NALF1: variants seen among roughly 807,000 people sequenced by gnomAD.
NALF1 encodes the protein NALCN channel auxiliary factor 1, also known as family with sequence similarity 155 member A.
In NALF1, 3 loss-of-function variants were observed where a neutral mutation model predicts 48.4. The ratio of observed to expected loss-of-function variants is 0.06; its 90% CI spans 0.03 to 0.16. The LOEUF is 0.16. Ranked by LOEUF, NALF1 falls within the 10% of genes least tolerant of loss-of-function variation. NALF1 has a pLI of 1.00. For missense variants in NALF1, 526 were observed against 571.5 expected (o/e 0.92, Z 0.81); for synonymous variants, 262 against 245.7 (o/e 1.07, Z -0.62).
intron 2 of NALF1, among the ~76,000 whole-genome samples, chr13:107,187,032 C>G (rs376424670): frequency 2.6e-5 from 4 of 152,308 alleles, no homozygotes; most frequent in Admixed American, 1.3e-4. Flanking sequence ...CTTCCTCCAT[C>G]TTAAAATCCA....
chr13:107,310,971 T>C (rs1882033267), intron 1 of NALF1, among the ~76,000 whole-genome samples: 1 of 152,164 alleles, frequency 6.6e-6, no homozygotes, highest in Non-Finnish European at 1.5e-5. Context: ...ATCTGGATTA[T>C]TTAAGGCCAT....
At chr13:107,518,891 T>TAA (rs1413348119) in intron 1 of NALF1, among the ~76,000 whole-genome samples, 1 of 151,858 alleles carries the variant, frequency 6.6e-6, no homozygotes, top group African/African-American at 2.4e-5. Flanking sequence ...ACAGGAGAAA[T>TAA]GAAAGTGGGA....
chr13:107,595,598 G>T (rs1259316913), intron 1 of NALF1, among the ~76,000 whole-genome samples: 1 of 152,060 alleles, frequency 6.6e-6, no homozygotes, highest in Non-Finnish European at 1.5e-5. Context: ...GCAAGAATGG[G>T]CTTATTTCTA....
In NALF1 at chr13:107,739,793, T is replaced by C. The variant is rs142951009; in HGVS notation, c.915+125889A>G. Among the ~76,000 whole-genome samples the C allele has an allele frequency of 2.9e-3, 446 of 152,294 alleles. 1 individual carries two copies. Among genetic ancestry groups the C allele is most frequent in the African/African-American group, 0.01 (420 of 41,556 alleles). On this transcript the variant is annotated intron_variant, in intron 1 of 2. Transcript: ENST00000375915. ...GCTTCCCAGTGCTCACATTACCGCC[T>C]GAGCTCTGCATCCTGTCGCATCGGT...
Position 107,866,048 on chromosome 13 carries a change from C to T in NALF1, c.549G>A (p.Thr183=), listed in dbSNP as rs561755025. 6 of 1,612,692 alleles carry T rather than the reference C, an allele frequency of 3.7e-6. No individual in the cohort carries two copies. In the South Asian group the frequency reaches 5.5e-5, roughly 15 times the overall value. ...CGCACACCGCGTCCGCATTCTCCAC[C>T]GTGAAGCACTGGCCCGAGGACGCGC... The part of the protein sequence containing the change: ...PQGASSGQCF[T]VENADAVCAR... The change falls in exon 1 of 3, where the codon ACG becomes ACA. Residue 183 remains threonine (T), a synonymous_variant. Transcript: ENST00000375915. This position sits in a 1 kb window ranked among gnomAD's most constrained non-coding sequence, Gnocchi z 4.4.
At chr13:107,754,866 T>C (rs944580000) in intron 1 of NALF1, among the ~76,000 whole-genome samples, 2 of 152,216 alleles carry the variant, frequency 1.3e-5, no homozygotes, top group African/African-American at 4.8e-5. Flanking sequence ...GAAGAAATTG[T>C]AAATCCTGTG....
intron 1 of NALF1, among the ~76,000 whole-genome samples, chr13:107,786,574 TA>T (rs1309671454): frequency 1.4e-5 from 2 of 140,390 alleles, no homozygotes; most frequent in Non-Finnish European, 3.1e-5. Flanking sequence ...CTACTAAAAA[TA>T]AAAAAAATTA....
chr13:107,447,495 C>T (rs1035496453), intron 1 of NALF1, among the ~76,000 whole-genome samples: 6 of 152,212 alleles, frequency 3.9e-5, no homozygotes, highest in Admixed American at 3.9e-4. Flanking sequence ...CTGCATAACA[C>T]ATAGGAATCC....
At chr13:107,372,037 G>T (rs371778823) in intron 1 of NALF1, among the ~76,000 whole-genome samples, 1 of 152,100 alleles carries the variant, frequency 6.6e-6, no homozygotes, top group Non-Finnish European at 1.5e-5. Flanking sequence ...AGCTGAATAG[G>T]GCACTGTTTT....
intron 1 of NALF1, among the ~76,000 whole-genome samples, chr13:107,791,747 T>TCCTGA (rs1159770818): frequency 2.0e-5 from 3 of 151,370 alleles, no homozygotes; most frequent in Non-Finnish European, 4.4e-5. Context: ...GGTCAGGAGT[T>TCCTGA]CCAGACCAGC....
At chr13:107,460,154 C>T (rs1371461441) in intron 1 of NALF1, among the ~76,000 whole-genome samples, 7 of 152,298 alleles carry the variant, frequency 4.6e-5, no homozygotes, top group African/African-American at 1.7e-4. Context: ...TTATATCTCA[C>T]TTCTTTCATC....
intron 1 of NALF1, among the ~76,000 whole-genome samples, chr13:107,654,735 T>C (rs980318185): frequency 2.6e-5 from 4 of 150,968 alleles, no homozygotes; most frequent in African/African-American, 9.7e-5. Flanking sequence ...AAAACATAGA[T>C]GTAAAAATCC....
chr13:107,258,118 C>T (rs1324936567), intron 1 of NALF1, among the ~76,000 whole-genome samples: 1 of 152,066 alleles, frequency 6.6e-6, no homozygotes, highest in Admixed American at 6.6e-5. Context: ...ACAATGTACC[C>T]TCTCATTTGG....
chr13:107,798,214 CA>C (rs1433922931), intron 1 of NALF1, among the ~76,000 whole-genome samples: 1 of 152,098 alleles, frequency 6.6e-6, no homozygotes, highest in Non-Finnish European at 1.5e-5. Flanking sequence ...TGATTGCAGC[CA>C]ATTTTAGTTT....
chr13:107,448,200 G>A (rs16970138), intron 1 of NALF1, among the ~76,000 whole-genome samples: 32,525 of 151,906 alleles, frequency 0.21, 3,981 homozygotes, highest in East Asian at 0.33. Flanking sequence ...TCATACCTTC[G>A]ATTCCTGGCT....
At chr13:107,847,183 A>AT (rs1880194742) in intron 1 of NALF1, among the ~76,000 whole-genome samples, 3 of 152,192 alleles carry the variant, frequency 2.0e-5, no homozygotes, top group African/African-American at 7.2e-5. Context: ...ATAAAATTTA[A>AT]TTTACCTATT....
intron 1 of NALF1, among the ~76,000 whole-genome samples, chr13:107,749,060 T>C (rs1876859874): frequency 1.3e-5 from 2 of 151,998 alleles, no homozygotes; most frequent in African/African-American, 4.8e-5. Context: ...TCCTGAAAGA[T>C]GTTCCTTGGG....
At chr13:107,811,563 A>T (rs1878992581) in intron 1 of NALF1, among the ~76,000 whole-genome samples, 1 of 152,204 alleles carries the variant, frequency 6.6e-6, no homozygotes, top group Non-Finnish European at 1.5e-5. Flanking sequence ...GGCCCCCTAA[A>T]GTATGTGTTT....
intron 1 of NALF1, among the ~76,000 whole-genome samples, chr13:107,263,988 G>A (rs975252207): frequency 1.3e-5 from 2 of 152,172 alleles, no homozygotes; most frequent in Admixed American, 6.5e-5. Context: ...CGGCCTTATG[G>A]AATTGTGGCC....
Sources: allele counts gnomAD v4.1 joint callset (sites outside exome capture counted in the v4.1 genomes callset), GRCh38; gene constraint gnomAD v4.1.1; non-coding constraint Gnocchi (gnomAD v3.1); transcripts MANE v1.5; gene names NCBI Gene and HGNC (gene_info 2026-07-23, HGNC 2026-07-21).